CSNK2A2IP: variants seen among roughly 807,000 people sequenced by gnomAD.
CSNK2A2IP encodes the protein casein kinase 2 subunit alpha' interacting protein, also known as casein kinase II subunit alpha'-interacting protein.
the CSNK2A2IP span, among the ~76,000 whole-genome samples, chr3:88,360,185 G>A: frequency 2.0e-5 from 3 of 150,632 alleles, no homozygotes; most frequent in African/African-American, 7.3e-5. Context: ...GCCCAGGCTG[G>A]AGTGCAGTGG....
the CSNK2A2IP span, among the ~76,000 whole-genome samples, chr3:88,431,610 A>C: frequency 6.6e-6 from 1 of 152,202 alleles, no homozygotes; most frequent in Admixed American, 6.5e-5. Context: ...TATGGAAGTA[A>C]AATTAAAAAA....
At chr3:88,447,875 T>G in the CSNK2A2IP span, among the ~76,000 whole-genome samples, 1 of 152,186 alleles carries the variant, frequency 6.6e-6, no homozygotes, top group Admixed American at 6.5e-5. Context: ...TTTTAAGAAT[T>G]TATATTACCA....
the CSNK2A2IP span, among the ~76,000 whole-genome samples, chr3:88,446,102 TTTTCTTTCTTTCTTTTTTTTCTTTC>T: frequency 8.6e-6 from 1 of 116,548 alleles, no homozygotes; most frequent in African/African-American, 3.6e-5. Flanking sequence ...TTCTTTCTTT[TTTTCTTTCTTTCTTTTTTTTCTTTC>T]TTTCTTGTCC....
chr3:88,404,631 C>T, the CSNK2A2IP span, among the ~76,000 whole-genome samples: 1 of 122,604 alleles, frequency 8.2e-6, no homozygotes, highest in Non-Finnish European at 1.9e-5. Flanking sequence ...ACTTTATAAC[C>T]TATTATTATC....
At chr3:88,412,026 GA>G in the CSNK2A2IP span, among the ~76,000 whole-genome samples, 4 of 151,692 alleles carry the variant, frequency 2.6e-5, no homozygotes, top group Admixed American at 1.3e-4. Context: ...TACCCCAAGA[GA>G]AAGGGTAATA....
chr3:88,463,914 A>T, the CSNK2A2IP span, among the ~76,000 whole-genome samples: 1 of 152,130 alleles, frequency 6.6e-6, no homozygotes, highest in Non-Finnish European at 1.5e-5. Context: ...AATGTCCAAC[A>T]ATGATAGACT....
chr3:88,395,792 A>C, the CSNK2A2IP span, among the ~76,000 whole-genome samples: 1 of 152,170 alleles, frequency 6.6e-6, no homozygotes, highest in Non-Finnish European at 1.5e-5. Context: ...ATTTTCTTTG[A>C]GTTTTCAATG....
At chr3:88,351,154 T>C in the CSNK2A2IP span, among the ~76,000 whole-genome samples, 2 of 152,118 alleles carry the variant, frequency 1.3e-5, no homozygotes, top group Non-Finnish European at 2.9e-5. Context: ...TGGATTCACT[T>C]GCCTCACTAA....
the CSNK2A2IP span, among the ~76,000 whole-genome samples, chr3:88,355,964 G>A: frequency 6.6e-6 from 1 of 151,862 alleles, no homozygotes; most frequent in African/African-American, 2.4e-5. Context: ...AATTTTTATG[G>A]ATATATTGTA....
the CSNK2A2IP span, among the ~76,000 whole-genome samples, chr3:88,340,332 A>G: frequency 6.6e-6 from 1 of 151,978 alleles, no homozygotes; most frequent in African/African-American, 2.4e-5. Context: ...TGCTTCTGTG[A>G]TTGAATTTAG....
the CSNK2A2IP span, among the ~76,000 whole-genome samples, chr3:88,450,377 T>C: frequency 6.6e-6 from 1 of 152,170 alleles, no homozygotes; most frequent in African/African-American, 2.4e-5. Context: ...TACTTATAAT[T>C]CTCATGTTGT....
At chr3:88,432,146 A>G in the CSNK2A2IP span, among the ~76,000 whole-genome samples, 1 of 152,022 alleles carries the variant, frequency 6.6e-6, no homozygotes, top group Non-Finnish European at 1.5e-5. Context: ...TTGTAGAAAA[A>G]TTGAACTATG....
the CSNK2A2IP span, among the ~76,000 whole-genome samples, chr3:88,367,837 T>C: frequency 6.6e-6 from 1 of 152,104 alleles, no homozygotes; most frequent in Non-Finnish European, 1.5e-5. Flanking sequence ...AACGCACTTA[T>C]TAAAAATGCA....
chr3:88,352,487 T>G, the CSNK2A2IP span, among the ~76,000 whole-genome samples: 2 of 152,058 alleles, frequency 1.3e-5, no homozygotes, highest in African/African-American at 4.8e-5. Flanking sequence ...TTTGTTTAAT[T>G]CTCAATACAA....
the CSNK2A2IP span, among the ~76,000 whole-genome samples, chr3:88,378,266 T>C: frequency 6.6e-6 from 1 of 151,922 alleles, no homozygotes. Context: ...TTCCTCTATA[T>C]ACTTCACTCC....
the CSNK2A2IP span, among the ~76,000 whole-genome samples, chr3:88,386,125 T>A: frequency 7.5e-6 from 1 of 132,562 alleles, no homozygotes; most frequent in East Asian, 2.3e-4. Context: ...TCTATGCTAT[T>A]TTTTTTTTCT....
At chr3:88,388,416 C>CT in the CSNK2A2IP span, among the ~76,000 whole-genome samples, 1 of 152,120 alleles carries the variant, frequency 6.6e-6, no homozygotes, top group South Asian at 2.1e-4. Flanking sequence ...TATATAAAAG[C>CT]TTTTTTGCAA....
chr3:88,381,936 C>T, the CSNK2A2IP span, among the ~76,000 whole-genome samples: 1 of 152,148 alleles, frequency 6.6e-6, no homozygotes, highest in Non-Finnish European at 1.5e-5. Context: ...CATCAATAAA[C>T]TGTTTTTCTA....
At chr3:88,410,999 T>C in the CSNK2A2IP span, among the ~76,000 whole-genome samples, 4 of 151,962 alleles carry the variant, frequency 2.6e-5, no homozygotes, top group African/African-American at 4.8e-5. Flanking sequence ...CAAATGTTTG[T>C]GTTGTAGTGT....
Sources: allele counts gnomAD v4.1 joint callset (sites outside exome capture counted in the v4.1 genomes callset), GRCh38; gene constraint gnomAD v4.1.1; transcripts MANE v1.5; gene names NCBI Gene and HGNC (gene_info 2026-07-23, HGNC 2026-07-21).